MPPE1: variants seen among roughly 807,000 people sequenced by gnomAD.
MPPE1 encodes metallophosphoesterase 1, also known as metallo phosphoesterase.
Under a neutral mutation model 43.8 loss-of-function variants are expected in MPPE1, and 28 were observed. That is an observed-to-expected ratio of 0.64 (90% confidence interval 0.47 to 0.88). The LOEUF is 0.88. Among genes scored for constraint, MPPE1 ranks in the 40% least tolerant of loss-of-function variants. The pLI, the probability that MPPE1 is intolerant of heterozygous loss-of-function variation, is 0.00. For missense variants in MPPE1, 428 were observed against 492.2 expected (o/e 0.87, Z 1.23); for synonymous variants, 159 against 188.5 (o/e 0.84, Z 1.28).
rs1349318117 is a variant in MPPE1 at position 11,889,299 on chromosome 18, C to CA, written c.494+87dup. The stretch of plus-strand genomic sequence containing the variant: ...GAAGAAAACAAATTTCAAGACAGCA[C>CA]AAATAGGGCTTTCACCTGAATTCCA... On this transcript the variant is annotated intron_variant, in intron 5 of 10. Coordinates refer to ENST00000588072, the MANE Select transcript of MPPE1 (RefSeq NM_023075.6). 33 of 840,256 alleles carry CA rather than the reference C, an allele frequency of 3.9e-5. No individual in the cohort carries two copies. In the African/African-American group the frequency reaches 5.7e-4, roughly 14 times the overall value. The allele number at this position is 840,256 out of a possible 1,614,324, so 52.1% of individuals were successfully genotyped here.
chr18:11,889,973 C>G (rs201090387), intron 4 of MPPE1, among the ~76,000 whole-genome samples: 21 of 149,784 alleles, frequency 1.4e-4, no homozygotes, highest in Non-Finnish European at 2.5e-4. Context: ...GATGGAGTCT[C>G]GCTCTGTTGC....
At position 11,884,519 on chromosome 18, in the gene MPPE1, G is replaced by A. The variant is rs535879652; in HGVS notation, c.1117C>T (p.Leu373Phe). ...GVVGFLVVLTLTHFGLLASPF... is the reference protein window; with the variant it reads ...GVVGFLVVLTFTHFGLLASPF... ...GAGGCTAGAAGCCCAAAGTGAGTGA[G>A]TGTGAGGACCACAAGGAAGCCCACC... Residue 373 changes from leucine (L) to phenylalanine (F), a missense_variant, in exon 11 of 11, where the codon CTC becomes TTC. Physicochemically the swap from Leu to Phe is conservative, Grantham distance 22. Transcript: ENST00000588072. 33 of 1,614,166 alleles carry A rather than the reference G, an allele frequency of 2.0e-5. No homozygotes were observed. In the Admixed American group the frequency reaches 4.3e-4, roughly 21 times the overall value.
chr18:11,884,466 G>A lies in MPPE1; in HGVS notation c.1170C>T (p.Leu390=), dbSNP rs761546673. ...CTCTTCATCTTGTCTTACGCTTTCC[G>A]AGCAAGTTCAAACCAGAAAGAAAAG... is the stretch of plus-strand genomic sequence containing the variant. ...ASPFLSGLNL[L]GKRKTR Residue 390 remains leucine (L), a synonymous_variant, in exon 11 of 11, where the codon CTC becomes CTT. Transcript: ENST00000588072. 1.4e-5 allele frequency: 23 copies of A among 1,613,962 alleles called. No individual in the cohort carries two copies. Among genetic ancestry groups the A allele is most frequent in the Admixed American group, 1.0e-4 (6 of 60,006 alleles).
intron 2 of MPPE1, among the ~76,000 whole-genome samples, chr18:11,901,684 C>T (rs2039222805): frequency 6.6e-6 from 1 of 151,858 alleles, no homozygotes; most frequent in Non-Finnish European, 1.5e-5. Context: ...CCACTAAATA[C>T]AAAAATTAGG....
In MPPE1 at chr18:11,885,661, A is replaced by G; in HGVS notation, c.1008+15T>C. The G allele has an allele frequency of 6.2e-7, 1 of 1,602,964 alleles. No homozygotes were observed. Among genetic ancestry groups the G allele is most frequent in the Non-Finnish European group, 8.5e-7 (1 of 1,171,620 alleles). Reference sequence around the variant, plus strand: ...CTTATGAAAGCTTTCAGACAAAAATAAACTTTCACGTTACCATGATGAAAC... The same window carrying G: ...CTTATGAAAGCTTTCAGACAAAAATGAACTTTCACGTTACCATGATGAAAC... On this transcript the variant is annotated intron_variant, in intron 10 of 10. Coordinates refer to ENST00000588072, the MANE Select transcript of MPPE1 (RefSeq NM_023075.6).
intron 2 of MPPE1, among the ~76,000 whole-genome samples, chr18:11,897,955 A>T (rs1444634779): frequency 1.3e-5 from 2 of 152,198 alleles, no homozygotes; most frequent in Non-Finnish European, 2.9e-5. Flanking sequence ...GAAATCTGAC[A>T]TAGTTGACTC....
At chr18:11,897,603 TAA>T (rs1345385217) in intron 2 of MPPE1, 7 of 195,356 alleles carry the variant, frequency 3.6e-5, no homozygotes, top group Admixed American at 1.7e-4. Context: ...ACCAAGATGA[TAA>T]AGTTTCATTA....
intron 4 of MPPE1, among the ~76,000 whole-genome samples, chr18:11,890,458 T>C (rs1014605671): frequency 2.0e-5 from 3 of 152,040 alleles, no homozygotes; most frequent in Non-Finnish European, 4.4e-5. Context: ...TACAGGCGTG[T>C]ACCACCATGC....
rs2037239547 is a variant in MPPE1, at chr18:11,886,341, T to C, written c.867+158A>G. On this transcript the variant is annotated intron_variant, in intron 9 of 10. Transcript: ENST00000588072. The surrounding 1 kb of genome is among the most constrained non-coding windows in gnomAD (Gnocchi z 4.1). ...GCGATTAAATGAAAATCTGAGATAC[T>C]GTGAAAGCCAGGCCTCCACCCCTGT... 2.1e-6 allele frequency: 2 copies of C among 967,062 alleles called. No individual in the cohort carries two copies. The highest frequency in any genetic ancestry group is 4.9e-5 in the East Asian group (2 of 41,100). The allele number at this position is 967,062 out of a possible 1,614,324, so 59.9% of individuals were successfully genotyped here.
intron 3 of MPPE1, among the ~76,000 whole-genome samples, chr18:11,895,629 C>G (rs1175459445): frequency 6.6e-6 from 1 of 152,032 alleles, no homozygotes; most frequent in African/African-American, 2.4e-5. Context: ...GGCTCAAACT[C>G]TGGTGCTCAA....
Position 11,893,562 on chromosome 18 carries a change from T to G in MPPE1, c.296A>C (p.Glu99Ala), listed in dbSNP as rs1182678108. 6.2e-7 allele frequency: 1 copy of G among 1,614,094 alleles called. No individual in the cohort carries two copies. The highest frequency in any genetic ancestry group is 1.7e-5 in the Admixed American group (1 of 60,016). Residue 99 changes from glutamate to alanine, a missense_variant, in exon 4 of 11, where the codon GAG becomes GCG. This residue lies in a region of MPPE1 where 379 missense variants were observed against 402.5 expected (regional missense o/e 0.94). Coordinates refer to ENST00000588072, the MANE Select transcript of MPPE1 (RefSeq NM_023075.6). ...LDKLRREWQMERAFQTALWLL... is the reference protein window; with the variant it reads ...LDKLRREWQMARAFQTALWLL... The stretch of plus-strand genomic sequence containing the variant: ...CCACAGAGCTGTCTGGAACGCTCTC[T>G]CCATCTGCCATTCCCTTGATGCCAA...
Position 11,889,404 on chromosome 18 carries a change from G to A in MPPE1, c.477C>T (p.Asp159=). Reference sequence around the variant, plus strand: ...CTACTTACTCATAATGGAAGCCAATGTCATGGTTTCCAGCAACTACCTTCA... The same window carrying A: ...CTACTTACTCATAATGGAAGCCAATATCATGGTTTCCAGCAACTACCTTCA... ...VQLKVVAGNH[D]IGFHYEMNTY... is the part of the protein sequence containing the mutation. Residue 159 remains aspartate, a synonymous_variant, in exon 5 of 11, where the codon GAC becomes GAT. Coordinates refer to ENST00000588072, the MANE Select transcript of MPPE1 (RefSeq NM_023075.6). 2 of 1,611,272 alleles carry A rather than the reference G, an allele frequency of 1.2e-6. No individual in the cohort carries two copies. The highest frequency in any genetic ancestry group is 1.1e-5 in the South Asian group (1 of 90,836).
intron 3 of MPPE1, among the ~76,000 whole-genome samples, chr18:11,895,843 C>T (rs748592596): frequency 2.6e-5 from 4 of 151,918 alleles, no homozygotes; most frequent in East Asian, 1.9e-4. Context: ...GGATTACAGG[C>T]GTGAAGCACT....
At chr18:11,885,540 G>A (rs946501801) in intron 10 of MPPE1, 136 bp downstream of exon 10, 12 of 1,026,378 alleles carry the variant, frequency 1.2e-5, no homozygotes, top group Admixed American at 2.3e-5. Context: ...GCAGTGTATG[G>A]AGCTACGTGT....
At chr18:11,897,499 A>G in intron 2 of MPPE1, 143 bp from the exon 3 acceptor site, 1 of 481,736 alleles carries the variant, frequency 2.1e-6, no homozygotes, top group East Asian at 3.4e-5. Context: ...ATAATATGCC[A>G]GATTACTAAT....
chr18:11,894,359 C>T (rs371900804), intron 3 of MPPE1, among the ~76,000 whole-genome samples: 54 of 137,512 alleles, frequency 3.9e-4, no homozygotes, highest in African/African-American at 1.4e-3. Context: ...ACCCAGGAGG[C>T]GGAGGTTGCA....
In MPPE1 at chr18:11,886,694, C is replaced by T. The variant is rs1274205533; in HGVS notation, c.744+19G>A. On this transcript the variant is annotated intron_variant, in intron 8 of 10. Transcript: ENST00000588072. This position sits in a 1 kb window ranked among gnomAD's most constrained non-coding sequence, Gnocchi z 4.1. ...GGCTGCCTGCTGTCTGCCATGAGCC[C>T]TTTCCTCCCCCAGCTCACCTGCAGG... 1 of 1,613,778 alleles carries T rather than the reference C, an allele frequency of 6.2e-7. No homozygotes were observed. Among genetic ancestry groups the T allele is most frequent in the African/African-American group, 1.3e-5 (1 of 74,930 alleles).
chr18:11,889,497 G>A lies in MPPE1; in HGVS notation c.391-7C>T, dbSNP rs201864840. On this transcript the variant is annotated splice_region_variant and splice_polypyrimidine_tract_variant and intron_variant, in intron 4 of 10. Coordinates refer to ENST00000588072, the MANE Select transcript of MPPE1 (RefSeq NM_023075.6). ...CCACATCATCCGCCCAGGCCTGAGG[G>A]AAAAAGAATCACTGCTGAGAGCCAG... 2 of 1,603,102 alleles carry A rather than the reference G, an allele frequency of 1.2e-6. No homozygotes were observed. The highest frequency in any genetic ancestry group is 3.4e-5 in the Admixed American group (2 of 58,358).
In MPPE1 at chr18:11,898,332, A is replaced by G. The variant is rs139717685; in HGVS notation, c.-92-976T>C. Among the ~76,000 whole-genome samples, 510 of 152,264 alleles carry G rather than the reference A, an allele frequency of 3.3e-3. 2 individuals carry two copies. Among genetic ancestry groups the G allele is most frequent in the African/African-American group, 0.012 (483 of 41,548 alleles). ...AATGAACCACCTGCCTCAACCTCCC[A>G]AAGTGCTGGGATTACAGGCGTGAGC... On this transcript the variant is annotated intron_variant, in intron 2 of 10. Transcript: ENST00000588072.
Sources: allele counts gnomAD v4.1 joint callset (sites outside exome capture counted in the v4.1 genomes callset), GRCh38; gene constraint gnomAD v4.1.1; regional missense constraint gnomAD v4.1.1; non-coding constraint Gnocchi (gnomAD v3.1); transcripts MANE v1.5; gene names NCBI Gene and HGNC (gene_info 2026-07-23, HGNC 2026-07-21).